Variants in KCTD16 observed in about 807,000 individuals in gnomAD.
KCTD16 encodes BTB/POZ domain-containing protein KCTD16.
Under a neutral mutation model 33.2 loss-of-function variants are expected in KCTD16, and 13 were observed. That is an observed-to-expected ratio of 0.39 (90% confidence interval 0.25 to 0.62). The LOEUF (loss-of-function observed/expected upper bound fraction) is 0.62, where lower values mean the gene tolerates loss of function less well. Ranked by LOEUF, KCTD16 falls within the 20% of genes least tolerant of loss-of-function variation. The pLI is 0.50. For missense variants in KCTD16, 441 were observed against 525.1 expected (o/e 0.84, Z 1.57); for synonymous variants, 197 against 195.3 (o/e 1.01, Z -0.07).
Position 144,477,930 on chromosome 5 carries a change from C to T in KCTD16, c.*3816C>T, listed in dbSNP as rs1014901484. ...AACTTTTAGGAAGAATTCTTTGTCA[C>T]CTCCACCTGACATACCAATTTTCAA... On this transcript the variant is annotated 3_prime_UTR_variant, in exon 4 of 4. Transcript: ENST00000512467. The T allele has an allele frequency of 2.6e-5, 4 of 152,012 alleles. No individual in the cohort carries two copies. The highest frequency in any genetic ancestry group is 9.7e-5 in the African/African-American group (4 of 41,412). The allele number at this position is 152,012 out of a possible 1,614,324, so 9.4% of individuals were successfully genotyped here.
chr5:144,214,123 C>A (rs958400201), intron 3 of KCTD16, among the ~76,000 whole-genome samples: 1 of 152,078 alleles, frequency 6.6e-6, no homozygotes, highest in African/African-American at 2.4e-5. Context: ...ACTTAGTTGC[C>A]CAAGGAGGAA....
intron 3 of KCTD16, among the ~76,000 whole-genome samples, chr5:144,381,271 C>T (rs1345075316): frequency 6.6e-6 from 1 of 152,070 alleles, no homozygotes; most frequent in Non-Finnish European, 1.5e-5. Context: ...CTCAGAATGA[C>T]TATTATTAAA....
intron 3 of KCTD16, among the ~76,000 whole-genome samples, chr5:144,294,405 C>A (rs980420204): frequency 2.0e-5 from 3 of 152,028 alleles, no homozygotes; most frequent in Non-Finnish European, 4.4e-5. Context: ...TAAGGTGTAT[C>A]TTTTGTAAGA....
chr5:144,289,250 C>T (rs747568120), intron 3 of KCTD16, among the ~76,000 whole-genome samples: 2 of 152,144 alleles, frequency 1.3e-5, no homozygotes, highest in Non-Finnish European at 2.9e-5. Flanking sequence ...CCAGAATGTG[C>T]CCAGAATCTG....
chr5:144,271,148 A>G (rs978488700), intron 3 of KCTD16, among the ~76,000 whole-genome samples: 4 of 152,066 alleles, frequency 2.6e-5, no homozygotes, highest in African/African-American at 4.8e-5. Flanking sequence ...AGAGGAGGGA[A>G]AAATTCCTAA....
chr5:144,222,052 G>T (rs753393111), intron 3 of KCTD16, among the ~76,000 whole-genome samples: 7 of 152,060 alleles, frequency 4.6e-5, no homozygotes, highest in African/African-American at 1.7e-4. Flanking sequence ...TTTGTTGACC[G>T]CATAAATATC....
intron 3 of KCTD16, among the ~76,000 whole-genome samples, chr5:144,314,827 T>C (rs1378569599): frequency 6.6e-6 from 1 of 152,170 alleles, no homozygotes; most frequent in Admixed American, 6.5e-5. Context: ...CCTTGAAAAC[T>C]TCATGCCCCC....
At chr5:144,363,456 T>C (rs1751763726) in intron 3 of KCTD16, among the ~76,000 whole-genome samples, 2 of 152,030 alleles carry the variant, frequency 1.3e-5, no homozygotes, top group African/African-American at 2.4e-5. Context: ...CTCATCACCG[T>C]CCTTCTGCTT....
intron 3 of KCTD16, among the ~76,000 whole-genome samples, chr5:144,304,173 T>G (rs182822695): frequency 5.9e-5 from 9 of 152,302 alleles, no homozygotes; most frequent in African/African-American, 2.2e-4. Flanking sequence ...AAAAATTCAC[T>G]TATTTTAGAT....
intron 3 of KCTD16, among the ~76,000 whole-genome samples, chr5:144,417,448 C>G: frequency 6.6e-6 from 1 of 151,984 alleles, no homozygotes; most frequent in South Asian, 2.1e-4. Flanking sequence ...AAATTCTTTG[C>G]TCATTTTTAA....
chr5:144,302,987 T>C (rs1751485241), intron 3 of KCTD16, among the ~76,000 whole-genome samples: 2 of 152,230 alleles, frequency 1.3e-5, no homozygotes, highest in Non-Finnish European at 2.9e-5. Context: ...CATTTCTATA[T>C]TGTACAGGGA....
intron 3 of KCTD16, among the ~76,000 whole-genome samples, chr5:144,471,193 C>G (rs941937011): frequency 1.3e-5 from 2 of 152,086 alleles, no homozygotes; most frequent in African/African-American, 4.8e-5. Context: ...AAAAAACAAA[C>G]AAACAACAAC....
chr5:144,220,367 A>G (rs1355026100), intron 3 of KCTD16, among the ~76,000 whole-genome samples: 7 of 152,026 alleles, frequency 4.6e-5, no homozygotes, highest in Admixed American at 3.9e-4. Flanking sequence ...TTTTCCCTCT[A>G]TATATGAACT....
At chr5:144,405,061 G>A (rs533450788) in intron 3 of KCTD16, among the ~76,000 whole-genome samples, 1 of 152,220 alleles carries the variant, frequency 6.6e-6, no homozygotes, top group East Asian at 1.9e-4. Flanking sequence ...ACTTTCTTAA[G>A]CACTTTATAC....
chr5:144,228,038 A>G (rs909984321), intron 3 of KCTD16, among the ~76,000 whole-genome samples: 1 of 152,218 alleles, frequency 6.6e-6, no homozygotes, highest in East Asian at 1.9e-4. Flanking sequence ...GGAGTTAGAC[A>G]TATGGGTCTG....
chr5:144,440,175 T>G (rs1753672313), intron 3 of KCTD16, among the ~76,000 whole-genome samples: 1 of 152,160 alleles, frequency 6.6e-6, no homozygotes. Context: ...ACTAAACATT[T>G]CCTTGACAGT....
intron 2 of KCTD16, among the ~76,000 whole-genome samples, chr5:144,198,120 G>A (rs1752972581): frequency 6.6e-6 from 1 of 152,176 alleles, no homozygotes. Flanking sequence ...CTGCTAGCAT[G>A]TAGAACTCAA....
intron 3 of KCTD16, among the ~76,000 whole-genome samples, chr5:144,356,411 C>T (rs1479214397): frequency 3.9e-5 from 6 of 151,956 alleles, no homozygotes; most frequent in Non-Finnish European, 5.9e-5. Context: ...AACAAATGGT[C>T]TTCAGTTTTT....
rs1315721915 is a variant in KCTD16, at chr5:144,478,864, C to T, written c.*4750C>T. 2 of 151,814 alleles carry T rather than the reference C, an allele frequency of 1.3e-5. No homozygotes were observed. Among genetic ancestry groups the T allele is most frequent in the Admixed American group, 6.6e-5 (1 of 15,222 alleles). The allele number at this position is 151,814 out of a possible 1,614,324, so 9.4% of individuals were successfully genotyped here. ...GAATAGATTTTCATGAATTCTTTGC[C>T]ATTTCATCTGCTGTCTGTCAACCAT... On this transcript the variant is annotated 3_prime_UTR_variant, in exon 4 of 4. Coordinates refer to ENST00000512467, the MANE Select transcript of KCTD16 (RefSeq NM_020768.4).
Sources: gnomAD v4.1 joint callset for allele counts (sites outside exome capture counted in the v4.1 genomes callset) on GRCh38, gnomAD v4.1.1 for gene constraint, MANE v1.5 for transcripts, NCBI Gene and HGNC (gene_info 2026-07-23, HGNC 2026-07-21) for gene names.